TDG: variants seen among roughly 807,000 people sequenced by gnomAD.
The protein encoded by TDG is G/T mismatch-specific thymine DNA glycosylase.
A neutral mutation model predicts 46.1 loss-of-function variants in TDG; 23 were observed. That is an observed-to-expected ratio of 0.50 (90% confidence interval 0.36 to 0.71). The LOEUF (loss-of-function observed/expected upper bound fraction) is 0.71. Ranked by LOEUF, TDG falls within the 30% of genes least tolerant of loss-of-function variation. TDG has a pLI of 0.00. For synonymous variants in TDG, 115 were observed against 161.3 expected (o/e 0.71, Z 2.18); for missense variants, 304 against 486.7 (o/e 0.62, Z 3.53).
chr12:103,984,642 G>T, intron 7 of TDG, 107 bp from the exon 8 acceptor site: 1 of 841,828 alleles, frequency 1.2e-6, no homozygotes, highest in Admixed American at 3.9e-5. Context: ...TTTATATGTA[G>T]TTAAGTATCA....
At chr12:103,966,454 G>A (rs1009241376) in intron 1 of TDG, among the ~76,000 whole-genome samples, 5 of 152,162 alleles carry the variant, frequency 3.3e-5, no homozygotes, top group Admixed American at 1.3e-4. Context: ...CCAGCTCCAG[G>A]AGTTTTCATT....
At position 103,983,367 on chromosome 12, in the gene TDG, A is replaced by T; in HGVS notation, c.770A>T (p.His257Leu). Residue 257 changes from histidine to leucine, a missense_variant, in exon 7 of 10, where the codon CAT becomes CTT. By Grantham distance (99) the His-to-Leu change is moderately conservative. Transcript: ENST00000392872. ...VKNLEFGLQP[H>L]KIPDTETLCY... ...AACTTGGAATTTGGGCTTCAGCCCC[A>T]TAAGATTCCAGACACAGAAACTGTA... is the stretch of plus-strand genomic sequence containing the variant. 2 of 1,591,634 alleles carry T rather than the reference A, an allele frequency of 1.3e-6. No homozygotes were observed. Among genetic ancestry groups the T allele is most frequent in the Non-Finnish European group, 1.7e-6 (2 of 1,173,220 alleles).
Position 103,983,271 on chromosome 12 carries a change from A to C in TDG, c.698-24A>C, listed in dbSNP as rs748083195. On this transcript the variant is annotated intron_variant, in intron 6 of 9. Coordinates refer to ENST00000392872, the MANE Select transcript of TDG (RefSeq NM_003211.6). ...TCTTTGCTAACATTATGGGCAATGT[A>C]AATATGTTTGTATTTCATTTTAGGT... 1.9e-6 allele frequency: 3 copies of C among 1,571,906 alleles called. No homozygotes were observed. The Admixed American group carries it at 6.1e-5, about 32-fold the overall frequency.
chr12:103,975,534 C>T (rs919319430), intron 1 of TDG, among the ~76,000 whole-genome samples: 3 of 152,168 alleles, frequency 2.0e-5, no homozygotes, highest in African/African-American at 7.2e-5. Context: ...CACAGTGAGG[C>T]AGCACTTGTG....
At chr12:103,973,889 A>G (rs1348714708) in intron 1 of TDG, among the ~76,000 whole-genome samples, 1 of 152,202 alleles carries the variant, frequency 6.6e-6, no homozygotes, top group African/African-American at 2.4e-5. Context: ...TTCTCATGTT[A>G]ATGTATTGTA....
At chr12:103,972,046 C>T (rs1406104277) in intron 1 of TDG, among the ~76,000 whole-genome samples, 1 of 152,150 alleles carries the variant, frequency 6.6e-6, no homozygotes, top group Non-Finnish European at 1.5e-5. Flanking sequence ...GAAATATCCT[C>T]ACACTGAGGT....
rs559759323 is a variant in TDG at position 103,971,275 on chromosome 12, C to T, written c.23+5215C>T. The stretch of plus-strand genomic sequence containing the variant: ...TCAGTTCCAGGCAGCTATAAGAAAA[C>T]AATCTAGCCGGACACAGTGGCTCAC... On this transcript the variant is annotated intron_variant, in intron 1 of 9. Transcript: ENST00000392872. 3.3e-5 allele frequency among the ~76,000 whole-genome samples: 5 copies of T among 152,126 alleles called. No homozygotes were observed. In the South Asian group the frequency reaches 8.3e-4, roughly 25 times the overall value.
At chr12:103,982,047 G>A (rs1461701910) in intron 4 of TDG, among the ~76,000 whole-genome samples, 1 of 151,980 alleles carries the variant, frequency 6.6e-6, no homozygotes, top group Non-Finnish European at 1.5e-5. Context: ...CAAAAAACAA[G>A]CGTAACTACT....
At chr12:103,968,793 A>G (rs1871170570) in intron 1 of TDG, among the ~76,000 whole-genome samples, 1 of 152,198 alleles carries the variant, frequency 6.6e-6, no homozygotes, top group South Asian at 2.1e-4. Context: ...ATTGATCCTG[A>G]ACAAAATTTT....
rs1872023898 is a variant in TDG at position 103,984,771 on chromosome 12, C to A, written c.815C>A (p.Ser272Tyr). 6.2e-7 allele frequency: 1 copy of A among 1,610,476 alleles called. No homozygotes were observed. The highest frequency in any genetic ancestry group is 1.7e-5 in the Admixed American group (1 of 59,948). The change falls in exon 8 of 10, where the codon TCC (serine) becomes TAC (tyrosine). Residue 272 changes from serine (S) to tyrosine (Y), a missense_variant. Physicochemically the swap from Ser to Tyr is moderately radical, Grantham distance 144. Transcript: ENST00000392872. ...TETLCYVMPS[S>Y]SARCAQFPRA... ...TAGCTCTGCTATGTTATGCCATCAT[C>A]CAGTGCAAGATGTGCTCAGTTTCCT...
intron 1 of TDG, among the ~76,000 whole-genome samples, chr12:103,972,128 T>C (rs546673443): frequency 2.4e-4 from 34 of 144,092 alleles, no homozygotes; most frequent in South Asian, 6.5e-4. Flanking sequence ...AGAACCCCCC[T>C]TTTTTTTTTA....
chr12:103,979,777 C>T (rs1871730900), intron 2 of TDG, 54 bp from the exon 3 acceptor site: 1 of 1,525,674 alleles, frequency 6.6e-7, no homozygotes, highest in East Asian at 2.3e-5. Context: ...GGGAAAGCTG[C>T]TAAAGTTTCT....
chr12:103,982,919 G>A lies in TDG; in HGVS notation c.599G>A (p.Ser200Asn). 6.2e-7 allele frequency: 1 copy of A among 1,614,170 alleles called. No homozygotes were observed. The highest frequency in any genetic ancestry group is 8.5e-7 in the Non-Finnish European group (1 of 1,180,038). The change falls in exon 5 of 10, where the codon AGC (serine) becomes AAC (asparagine). Residue 200 changes from serine to asparagine, a missense_variant. By Grantham distance (46) the Ser-to-Asn change is conservative. Transcript: ENST00000392872. ...TNMVERTTPG[S>N]KDLSSKEFRE... ...ATGGTGGAAAGGACCACGCCCGGCA[G>A]CAAAGATCTCTCCAGGTAAGTACAC...
rs760975474 is a variant in TDG, at chr12:103,966,055, G to T, written c.18G>T (p.Ala6=). 2 of 1,592,960 alleles carry T rather than the reference G, an allele frequency of 1.3e-6. No individual in the cohort carries two copies. Among genetic ancestry groups the T allele is most frequent in the South Asian group, 1.1e-5 (1 of 88,716 alleles). ...CTCGGGGAATGGAAGCGGAGAACGC[G>T]GGCAGGTAATACCGGGGCCAGCGCC... MEAEN[A]GSYSLQQAQA... Residue 6 remains alanine (A), a synonymous_variant, in exon 1 of 10, where the codon GCG becomes GCT. Coordinates refer to ENST00000392872, the MANE Select transcript of TDG (RefSeq NM_003211.6).
chr12:103,980,242 G>T, intron 3 of TDG, 170 bp downstream of exon 3: 3 of 848,052 alleles, frequency 3.5e-6, no homozygotes, highest in Non-Finnish European at 5.3e-6. Context: ...TGTTTAAGAG[G>T]GTGGGCTCCA....
Position 103,987,281 on chromosome 12 carries a change from T to C in TDG, c.*191T>C. ...TTTGGAAGAAAAAGTAGGGTTTTTG[T>C]ATACTAGCTTTTGTATTTGAATTAA... On this transcript the variant is annotated 3_prime_UTR_variant, in exon 10 of 10. Transcript: ENST00000392872. 1.5e-6 allele frequency: 1 copy of C among 679,402 alleles called. No individual in the cohort carries two copies. Among genetic ancestry groups the C allele is most frequent in the Non-Finnish European group, 2.3e-6 (1 of 439,102 alleles). 42.1% of individuals were successfully genotyped at this position (679,402 alleles called of 1,614,324 possible). A position where few individuals can be genotyped will look rare whatever the true frequency, so the allele number is the denominator to read the frequency against.
At chr12:103,967,196 G>A (rs1312676266) in intron 1 of TDG, among the ~76,000 whole-genome samples, 1 of 152,188 alleles carries the variant, frequency 6.6e-6, no homozygotes, top group Non-Finnish European at 1.5e-5. Flanking sequence ...ACTTTATTCA[G>A]GGTCTTACAG....
intron 2 of TDG, 41 bp from the exon 3 acceptor site, chr12:103,979,790 G>A: frequency 6.5e-7 from 1 of 1,531,826 alleles, no homozygotes. Context: ...AAGTTTCTAA[G>A]TTAAGATTTT....
chr12:103,968,392 G>C (rs370924612), intron 1 of TDG, among the ~76,000 whole-genome samples: 1 of 152,172 alleles, frequency 6.6e-6, no homozygotes, highest in Non-Finnish European at 1.5e-5. Flanking sequence ...AGGAGACCAG[G>C]AAGGACTGTT....
Sources: gnomAD v4.1 joint callset for allele counts (sites outside exome capture counted in the v4.1 genomes callset) on GRCh38, gnomAD v4.1.1 for gene constraint, MANE v1.5 for transcripts, NCBI Gene and HGNC (gene_info 2026-07-23, HGNC 2026-07-21) for gene names.